KDSR: variants seen among roughly 807,000 people sequenced by gnomAD.
The protein encoded by KDSR is 3-dehydrosphinganine reductase.
Under a neutral mutation model 41.3 loss-of-function variants are expected in KDSR, and 23 were observed. The ratio of observed to expected loss-of-function variants is 0.56; its 90% CI spans 0.40 to 0.79. KDSR has a LOEUF of 0.79. Among genes scored for constraint, KDSR ranks in the 30% least tolerant of loss-of-function variants. KDSR has a pLI of 0.00. For synonymous variants in KDSR, 138 were observed against 151.7 expected (o/e 0.91, Z 0.66); for missense variants, 351 against 416.8 (o/e 0.84, Z 1.37).
intron 2 of KDSR, among the ~76,000 whole-genome samples, chr18:63,361,194 A>G (rs1599339588): frequency 7.9e-6 from 1 of 126,472 alleles, no homozygotes; most frequent in Admixed American, 8.7e-5. Context: ...TGGGTTACAG[A>G]GCAAAACTCC....
At chr18:63,339,135 C>T (rs767614648) in intron 7 of KDSR, among the ~76,000 whole-genome samples, 5 of 152,226 alleles carry the variant, frequency 3.3e-5, no homozygotes, top group Non-Finnish European at 7.3e-5. Flanking sequence ...GTCTTGGCTC[C>T]ACTGAGGACC....
intron 6 of KDSR, among the ~76,000 whole-genome samples, chr18:63,348,995 G>A (rs770601393): frequency 3.3e-5 from 5 of 152,208 alleles, no homozygotes; most frequent in Non-Finnish European, 7.3e-5. Context: ...AAGTAACTAT[G>A]TGACTTTGAG....
intron 7 of KDSR, among the ~76,000 whole-genome samples, chr18:63,340,940 C>T (rs1227725990): frequency 6.6e-6 from 1 of 152,184 alleles, no homozygotes; most frequent in African/African-American, 2.4e-5. Flanking sequence ...TCTTACTCTC[C>T]CAAAGGCAGA....
chr18:63,366,818 G>C, intron 1 of KDSR, 193 bp downstream of exon 1: 1 of 390,882 alleles, frequency 2.6e-6, no homozygotes, highest in Non-Finnish European at 4.5e-6. Context: ...GGCTGCGGAG[G>C]GCGGGTCCGC....
intron 9 of KDSR, 33 bp downstream of exon 9, chr18:63,335,224 G>T: frequency 7.0e-7 from 1 of 1,419,944 alleles, no homozygotes; most frequent in South Asian, 1.2e-5. Flanking sequence ...TTGTCCATCG[G>T]CCTGTCTGAT....
chr18:63,358,958 T>C (rs1010197546), intron 3 of KDSR, among the ~76,000 whole-genome samples: 1 of 150,874 alleles, frequency 6.6e-6, no homozygotes, highest in African/African-American at 2.4e-5. Flanking sequence ...GTAGGCGGAC[T>C]GCTTGAGCCC....
At chr18:63,352,504 T>C (rs1035866613) in intron 5 of KDSR, among the ~76,000 whole-genome samples, 2 of 151,936 alleles carry the variant, frequency 1.3e-5, no homozygotes, top group East Asian at 1.9e-4. Flanking sequence ...TTAGTAGAGA[T>C]AGGGTTTCGC....
chr18:63,355,015 G>A (rs548142530), intron 5 of KDSR, among the ~76,000 whole-genome samples, 189 bp downstream of exon 5: 161 of 152,270 alleles, frequency 1.1e-3, no homozygotes, highest in African/African-American at 3.8e-3. Flanking sequence ...AAACTCTTAA[G>A]CTTCAATGGT....
Position 63,329,372 on chromosome 18 carries a change from T to C in KDSR, c.*2410A>G. 1 of 208,868 alleles carries C rather than the reference T, an allele frequency of 4.8e-6. No homozygotes were observed. Among genetic ancestry groups the C allele is most frequent in the Non-Finnish European group, 9.8e-6 (1 of 102,564 alleles). 12.9% of individuals were successfully genotyped at this position (208,868 alleles called of 1,614,324 possible). A position where few individuals can be genotyped will look rare whatever the true frequency, so the allele number is the denominator to read the frequency against. On this transcript the variant is annotated 3_prime_UTR_variant, in exon 10 of 10. Transcript: ENST00000645214. ...TTCTTCAGGGAAAATTAAGTCACAATGAAGTAGCATAAATATAAAGTACAA... is the reference window on the plus strand; with the variant it reads ...TTCTTCAGGGAAAATTAAGTCACAACGAAGTAGCATAAATATAAAGTACAA...
chr18:63,357,861 G>GC (rs1914846025), intron 3 of KDSR, among the ~76,000 whole-genome samples: 1 of 151,982 alleles, frequency 6.6e-6, no homozygotes, highest in African/African-American at 2.4e-5. Context: ...ACAGGCATGA[G>GC]CCACCGCACC....
rs1230632686 is a variant in KDSR at position 63,357,594 on chromosome 18, A to ATTTTT, written c.256-2036_256-2032dup. On this transcript the variant is annotated intron_variant, in intron 3 of 9. Transcript: ENST00000645214. ...TACATATATATATATATATATATAT[A>ATTTTT]TTTTTTTTTGAGATGGAGTCTCCCT... Among the ~76,000 whole-genome samples, 666 of 120,704 alleles carry ATTTTT rather than the reference A, an allele frequency of 5.5e-3. 2 individuals carry two copies. The highest frequency in any genetic ancestry group is 0.012 in the South Asian group (45 of 3,708). The allele number at this position is 120,704 out of a possible 152,430, so 79.2% of individuals were successfully genotyped here.
intron 8 of KDSR, among the ~76,000 whole-genome samples, chr18:63,337,113 A>AAT (rs139383635): frequency 0.22 from 28,335 of 127,192 alleles, 4,249 homozygotes; most frequent in South Asian, 0.36. Flanking sequence ...TATATATGTG[A>AAT]ATATATATAT....
rs2144340155 is a variant in KDSR at position 63,328,881 on chromosome 18, T to A, written c.*2901A>T. 5.3e-6 allele frequency: 1 copy of A among 189,230 alleles called. No individual in the cohort carries two copies. Among genetic ancestry groups the A allele is most frequent in the South Asian group, 1.9e-4 (1 of 5,132 alleles). The allele number at this position is 189,230 out of a possible 1,614,324, so 11.7% of individuals were successfully genotyped here. A position where few individuals can be genotyped will look rare whatever the true frequency, so the allele number is the denominator to read the frequency against. On this transcript the variant is annotated 3_prime_UTR_variant, in exon 10 of 10. Coordinates refer to ENST00000645214, the MANE Select transcript of KDSR (RefSeq NM_002035.4). ...AAAAGCAGCCACTTAAAAACTGAAA[T>A]TCACAAAATGAGCTGTTCTTGGCTA...
At chr18:63,335,419 G>A (rs61758854) in intron 8 of KDSR, 61 bp from the exon 9 acceptor site, 28,635 of 1,135,332 alleles carry the variant, frequency 0.025, 466 homozygotes, top group Non-Finnish European at 0.031. Context: ...GAAATCAGTC[G>A]GACACATCAG....
intron 9 of KDSR, 74 bp downstream of exon 9, chr18:63,335,183 C>A: frequency 2.1e-6 from 2 of 934,462 alleles, no homozygotes; most frequent in South Asian, 2.8e-5. Flanking sequence ...AACCTCTTCT[C>A]ATCAAGGTTT....
rs1196798235 is a variant in KDSR at position 63,331,282 on chromosome 18, GAGACAGAGAGAC to G, written c.*488_*499del. The G allele has an allele frequency of 1.7e-3, 62 of 35,992 alleles. 1 individual carries two copies. The highest frequency in any genetic ancestry group is 3.7e-3 in the Admixed American group (5 of 1,334). 2.2% of individuals were successfully genotyped at this position (35,992 alleles called of 1,614,324 possible). A position where few individuals can be genotyped will look rare whatever the true frequency, so the allele number is the denominator to read the frequency against. ...AAAGAAAGAAAGAGAGAGAGAGAGA[GAGACAGAGAGAC>G]AGAGAGACAGAGAGACAGAGAGACA... On this transcript the variant is annotated 3_prime_UTR_variant, in exon 10 of 10. Transcript: ENST00000645214.
chr18:63,358,166 AAAAT>A (rs989104337), intron 3 of KDSR, among the ~76,000 whole-genome samples: 48 of 152,126 alleles, frequency 3.2e-4, no homozygotes, highest in Admixed American at 2.4e-3. Flanking sequence ...CTCCATCTCA[AAAAT>A]AAATAAATAA....
At chr18:63,347,495 C>CAAAAAAAAAAAAAAAAAAAAAAAAAA in intron 6 of KDSR, among the ~76,000 whole-genome samples, 1 of 56,984 alleles carries the variant, frequency 1.8e-5, no homozygotes, top group Non-Finnish European at 2.9e-5. Context: ...GACTCCATCT[C>CAAAAAAAAAAAAAAAAAAAAAAAAAA]AAAAAAAAAA....
chr18:63,366,861 C>A, intron 1 of KDSR, 150 bp downstream of exon 1: 1 of 408,972 alleles, frequency 2.4e-6, no homozygotes, highest in South Asian at 1.3e-4. Context: ...GGAAAAGCGC[C>A]GGGGTGGACG....
Sources: allele counts gnomAD v4.1 joint callset (sites outside exome capture counted in the v4.1 genomes callset), GRCh38; gene constraint gnomAD v4.1.1; transcripts MANE v1.5; gene names NCBI Gene and HGNC (gene_info 2026-07-23, HGNC 2026-07-21).